CTH: variants seen among roughly 807,000 people sequenced by gnomAD.
CTH encodes cystathionine gamma-lyase, also known as cystathionase (cystathionine gamma-lyase).
CTH carries 41 observed loss-of-function variants against 50.6 expected under a neutral mutation model. The observed-to-expected ratio is 0.81, with a 90% CI of 0.63 to 1.05. The LOEUF is 1.05. Ranked by LOEUF, CTH falls within the 50% of genes least tolerant of loss-of-function variation. CTH has a pLI of 0.00. For synonymous variants in CTH, 156 were observed against 168.9 expected (o/e 0.92, Z 0.59); for missense variants, 470 against 492.6 (o/e 0.95, Z 0.43).
chr1:70,424,742 C>T (rs1032081081), intron 5 of CTH, among the ~76,000 whole-genome samples: 1 of 152,062 alleles, frequency 6.6e-6, no homozygotes, highest in Non-Finnish European at 1.5e-5. Flanking sequence ...GGGATCAAGA[C>T]CATGGTGAAA....
Position 70,439,332 on chromosome 1 carries a change from TA to T in CTH, c.*207del. Reference sequence around the variant, plus strand: ...TGTTATAATTACAGGTCAATTCTGTTAATATCTTTTTGTTAATTTTGCTCTA... The same window carrying T: ...TGTTATAATTACAGGTCAATTCTGTTATATCTTTTTGTTAATTTTGCTCTA... On this transcript the variant is annotated 3_prime_UTR_variant, in exon 12 of 12. Transcript: ENST00000370938. 1 of 584,758 alleles carries T rather than the reference TA, an allele frequency of 1.7e-6. No homozygotes were observed. 36.2% of individuals were successfully genotyped at this position (584,758 alleles called of 1,614,324 possible).
chr1:70,417,822 A>T, intron 2 of CTH, 115 bp from the exon 3 acceptor site: 2 of 1,066,034 alleles, frequency 1.9e-6, no homozygotes, highest in Non-Finnish European at 2.9e-6. Context: ...GCCTCTAGCA[A>T]CTCAGCAGTG....
At chr1:70,416,613 G>T (rs966031144) in intron 2 of CTH, among the ~76,000 whole-genome samples, 4 of 150,406 alleles carry the variant, frequency 2.7e-5, no homozygotes, top group African/African-American at 4.9e-5. Flanking sequence ...GCTCAGGCTG[G>T]AGTGCAATGG....
intron 7 of CTH, 103 bp downstream of exon 7, chr1:70,430,497 A>G: frequency 1.5e-6 from 1 of 672,422 alleles, no homozygotes; most frequent in Non-Finnish European, 2.7e-6. Flanking sequence ...CTAATAATTT[A>G]TGAAGAAATG....
At position 70,424,457 on chromosome 1, in the gene CTH, C is replaced by T. The variant is rs766911849; in HGVS notation, c.588+41C>T. Reference sequence around the variant, plus strand: ...TTTTTTTGGCACAATTAGTAGACCACATATATCTGTAATTAGGAAAGAAAG... The same window carrying T: ...TTTTTTTGGCACAATTAGTAGACCATATATATCTGTAATTAGGAAAGAAAG... On this transcript the variant is annotated intron_variant, in intron 5 of 11. Coordinates refer to ENST00000370938, the MANE Select transcript of CTH (RefSeq NM_001902.6). The T allele has an allele frequency of 1.9e-6, 3 of 1,611,906 alleles. No individual in the cohort carries two copies. The South Asian group carries it at 3.3e-5, about 18-fold the overall frequency.
rs747024826 is a variant in CTH at position 70,430,396 on chromosome 1, TA to T, written c.724+4del. 2 of 1,511,484 alleles carry T rather than the reference TA, an allele frequency of 1.3e-6. No individual in the cohort carries two copies. Among genetic ancestry groups the T allele is most frequent in the Non-Finnish European group, 1.8e-6 (2 of 1,086,572 alleles). 93.6% of individuals were successfully genotyped at this position (1,511,484 alleles called of 1,614,324 possible). Reference sequence around the variant, plus strand: ...ATAGACTTCGTTTCTTGCAAAACTGTAAGTATTAAAAAGTGCAGGTTCCCTA... The same window carrying T: ...ATAGACTTCGTTTCTTGCAAAACTGTAGTATTAAAAAGTGCAGGTTCCCTA... On this transcript the variant is annotated splice_donor_region_variant and intron_variant, in intron 7 of 11. Coordinates refer to ENST00000370938, the MANE Select transcript of CTH (RefSeq NM_001902.6).
chr1:70,411,652 G>A (rs1683967790), intron 1 of CTH, 69 bp downstream of exon 1: 7 of 1,565,236 alleles, frequency 4.5e-6, no homozygotes, highest in Non-Finnish European at 5.2e-6. Flanking sequence ...GAATTTGAAA[G>A]GCATGTAAGT....
intron 5 of CTH, among the ~76,000 whole-genome samples, chr1:70,425,233 T>G (rs1248896069): frequency 6.6e-6 from 1 of 152,210 alleles, no homozygotes; most frequent in Non-Finnish European, 1.5e-5. Flanking sequence ...AACTTTTACT[T>G]TATTTATTTT....
chr1:70,438,511 A>T (rs1437262220), intron 10 of CTH, among the ~76,000 whole-genome samples, 177 bp from the exon 11 acceptor site: 1 of 152,244 alleles, frequency 6.6e-6, no homozygotes, highest in Non-Finnish European at 1.5e-5. Flanking sequence ...ATTTAAAATC[A>T]TAGCTAGAAG....
In CTH at chr1:70,439,206, C is replaced by T; in HGVS notation, c.*79C>T. On this transcript the variant is annotated 3_prime_UTR_variant, in exon 12 of 12. Transcript: ENST00000370938. ...GTAATTAAATGGACCAACAATGAGC[C>T]TTTGCAAAATTTTCAAGCGGAAATT... is the stretch of plus-strand genomic sequence containing the variant. 7.2e-7 allele frequency: 1 copy of T among 1,382,430 alleles called. No individual in the cohort carries two copies. The highest frequency in any genetic ancestry group is 2.3e-5 in the East Asian group (1 of 43,808). The allele number at this position is 1,382,430 out of a possible 1,614,324, so 85.6% of individuals were successfully genotyped here.
At chr1:70,427,336 C>G (rs1434537431) in intron 5 of CTH, among the ~76,000 whole-genome samples, 1 of 152,038 alleles carries the variant, frequency 6.6e-6, no homozygotes, top group Non-Finnish European at 1.5e-5. Context: ...TTTCTTAGTC[C>G]CCTTTCCTCA....
intron 5 of CTH, among the ~76,000 whole-genome samples, chr1:70,426,106 T>C (rs1684341413): frequency 6.6e-6 from 1 of 152,136 alleles, no homozygotes; most frequent in South Asian, 2.1e-4. Flanking sequence ...AGACCACCCC[T>C]CCCATACATC....
intron 6 of CTH, 21 bp from the exon 7 acceptor site, chr1:70,430,296 T>G: frequency 2.1e-6 from 3 of 1,419,804 alleles, no homozygotes; most frequent in Non-Finnish European, 3.0e-6. Flanking sequence ...TTTTGTTTGT[T>G]TGTTTGTTTT....
At chr1:70,422,218 A>T (rs992959195) in intron 4 of CTH, among the ~76,000 whole-genome samples, 3 of 152,216 alleles carry the variant, frequency 2.0e-5, no homozygotes, top group African/African-American at 7.2e-5. Context: ...GATGCTGCCC[A>T]GATACTAGTT....
chr1:70,421,426 A>G, intron 3 of CTH, 140 bp from the exon 4 acceptor site: 2 of 857,420 alleles, frequency 2.3e-6, no homozygotes, highest in South Asian at 1.5e-5. Context: ...AAACTATTTA[A>G]CCAAACTAGA....
chr1:70,419,003 T>G (rs144558656), intron 3 of CTH, among the ~76,000 whole-genome samples: 1 of 119,920 alleles, frequency 8.3e-6, no homozygotes, highest in Non-Finnish European at 1.6e-5. Context: ...GTCCCTGGTG[T>G]GTGATGTTCC....
chr1:70,438,921 C>T (rs1352856138), intron 11 of CTH, 95 bp downstream of exon 11: 4 of 1,603,302 alleles, frequency 2.5e-6, no homozygotes, highest in South Asian at 2.2e-5. Flanking sequence ...TGTGGTCTCA[C>T]TGTGAACTCT....
chr1:70,424,174 ATCCATGTGTT>A, intron 4 of CTH, 101 bp from the exon 5 acceptor site: 1 of 1,583,944 alleles, frequency 6.3e-7, no homozygotes, highest in Non-Finnish European at 8.6e-7. Context: ...CAACATCATC[ATCCATGTGTT>A]TCCATTATAC....
At chr1:70,411,868 G>C (rs528288320) in intron 1 of CTH, among the ~76,000 whole-genome samples, 1 of 152,206 alleles carries the variant, frequency 6.6e-6, no homozygotes, top group South Asian at 2.1e-4. Flanking sequence ...AAAATCGAAG[G>C]TCATAACTTT....
Sources: gnomAD v4.1 joint callset for allele counts (sites outside exome capture counted in the v4.1 genomes callset) on GRCh38, gnomAD v4.1.1 for gene constraint, MANE v1.5 for transcripts, NCBI Gene and HGNC (gene_info 2026-07-23, HGNC 2026-07-21) for gene names.